The following VWA3B variants were observed in gnomAD, a reference collection of about 807,000 sequenced individuals.
The protein encoded by VWA3B is von Willebrand factor A domain-containing protein 3B.
VWA3B carries 138 observed loss-of-function variants against 158.3 expected under a neutral mutation model. That is an observed-to-expected ratio of 0.87 (90% CI 0.76 to 1.00). VWA3B has a LOEUF of 1.00. Among genes scored for constraint, VWA3B ranks in the 50% least tolerant of loss-of-function variants. VWA3B has a pLI of 0.00. For synonymous variants in VWA3B, 596 were observed against 587.3 expected, an observed-to-expected ratio of 1.01 and a Z score of -0.21; for missense variants, 1,555 against 1,565.1, an observed-to-expected ratio of 0.99 and a Z score of 0.11.
At chr2:98,272,311 A>G (rs1688250021) in intron 22 of VWA3B, among the ~76,000 whole-genome samples, 1 of 152,234 alleles carries the variant, frequency 6.6e-6, no homozygotes, top group African/African-American at 2.4e-5. Context: ...GCAGTTTATT[A>G]TAAAGGATAT....
intron 22 of VWA3B, among the ~76,000 whole-genome samples, chr2:98,274,629 CGAG>C (rs918868870): frequency 6.6e-6 from 1 of 152,068 alleles, no homozygotes; most frequent in African/African-American, 2.4e-5. Flanking sequence ...TACCAGAAAA[CGAG>C]GTATTTGAAC....
Position 98,128,262 on chromosome 2 carries a change from G to A in VWA3B, c.726G>A (p.Val242=). Residue 242 remains valine (V), a synonymous_variant, in exon 6 of 28, where the codon GTG becomes GTA. Transcript: ENST00000477737. ...DKTIESIYYF[V]VGDVPEESKE... is the part of the protein sequence containing the mutation. ...AGATTGAATCCATTTACTACTTTGTGGTGGGGGATGTTCCTGAAGAATCCA... is the reference window on the plus strand; with the variant it reads ...AGATTGAATCCATTTACTACTTTGTAGTGGGGGATGTTCCTGAAGAATCCA... The A allele has an allele frequency of 6.2e-7, 1 of 1,614,156 alleles. No individual in the cohort carries two copies.
chr2:98,207,082 C>T (rs1182380021), intron 12 of VWA3B: 1 of 514,780 alleles, frequency 1.9e-6, no homozygotes, highest in Admixed American at 2.3e-5. Flanking sequence ...TCACTTCACC[C>T]ATGCTGGCTC....
rs375450596 is a variant in VWA3B, at chr2:98,093,183, C to A, written c.91C>A (p.Gln31Lys). The change falls in exon 2 of 28, where the codon CAG (glutamine) becomes AAG (lysine). Residue 31 changes from glutamine to lysine, a missense_variant. Transcript: ENST00000477737. ...TAACACCAAAACAGACTTGGCTGAG[C>A]AGAGTCTCATTTCATCTGAGAAATG... ...WINTKTDLAE[Q>K]SLISSEKWLQ... is the part of the protein sequence containing the mutation. The A allele has an allele frequency of 1.4e-4, 230 of 1,614,120 alleles. 4 individuals carry two copies. The African/African-American group carries it at 2.4e-3, about 17-fold the overall frequency.
intron 2 of VWA3B, among the ~76,000 whole-genome samples, chr2:98,111,021 A>G (rs1364823587): frequency 6.6e-6 from 1 of 152,180 alleles, no homozygotes; most frequent in Non-Finnish European, 1.5e-5. Flanking sequence ...ATGGGACTGT[A>G]AGTCCATTAA....
intron 14 of VWA3B, 83 bp from the exon 15 acceptor site, chr2:98,228,119 G>C: frequency 6.9e-7 from 1 of 1,457,318 alleles, no homozygotes; most frequent in Non-Finnish European, 9.1e-7. Flanking sequence ...TGAACCTCTT[G>C]TCTCTAAAAA....
intron 21 of VWA3B, among the ~76,000 whole-genome samples, chr2:98,262,209 T>G (rs879732567): frequency 1.8e-4 from 27 of 151,958 alleles, no homozygotes; most frequent in Admixed American, 5.9e-4. Flanking sequence ...TGCATACACT[T>G]TCTCCCATTT....
chr2:98,243,960 G>A (rs1686234674), intron 19 of VWA3B, among the ~76,000 whole-genome samples: 3 of 152,218 alleles, frequency 2.0e-5, no homozygotes, highest in African/African-American at 7.2e-5. Flanking sequence ...GAAAAACAGT[G>A]AAGTTGGAGA....
At chr2:98,271,479 A>T (rs1274910857) in intron 22 of VWA3B, among the ~76,000 whole-genome samples, 1 of 152,184 alleles carries the variant, frequency 6.6e-6, no homozygotes, top group Non-Finnish European at 1.5e-5. Context: ...AATGTTTTCT[A>T]CATAGGTGCA....
At chr2:98,155,892 T>C (rs1008464919) in intron 7 of VWA3B, among the ~76,000 whole-genome samples, 2 of 152,124 alleles carry the variant, frequency 1.3e-5, no homozygotes, top group Admixed American at 1.3e-4. Context: ...CCCAACTTTT[T>C]TTTTCTCCAA....
chr2:98,133,175 T>C (rs573038929), intron 6 of VWA3B, among the ~76,000 whole-genome samples: 6 of 152,208 alleles, frequency 3.9e-5, no homozygotes, highest in Non-Finnish European at 7.3e-5. Flanking sequence ...CTGGGGACCC[T>C]GTTAAATGGA....
chr2:98,228,813 T>C (rs1685125168), intron 15 of VWA3B: 1 of 152,262 alleles, frequency 6.6e-6, no homozygotes, highest in Non-Finnish European at 1.5e-5. Flanking sequence ...TATATTCTTA[T>C]ATGTTTCTAA....
intron 8 of VWA3B, among the ~76,000 whole-genome samples, chr2:98,168,133 A>G (rs1679253688): frequency 6.6e-6 from 1 of 152,228 alleles, no homozygotes; most frequent in African/African-American, 2.4e-5. Flanking sequence ...AGAAACATCA[A>G]TCAATCAAAA....
chr2:98,158,438 A>C (rs1678280989), intron 7 of VWA3B, among the ~76,000 whole-genome samples: 1 of 152,118 alleles, frequency 6.6e-6, no homozygotes, highest in Non-Finnish European at 1.5e-5. Context: ...GCCTACTAAA[A>C]ATAAGCACTG....
intron 23 of VWA3B, chr2:98,292,155 A>C (rs967247976): frequency 6.6e-6 from 1 of 151,980 alleles, no homozygotes; most frequent in African/African-American, 2.4e-5. Context: ...AACCAGGAGA[A>C]TCACTAGAAC....
chr2:98,130,209 C>A (rs542920003), intron 6 of VWA3B, among the ~76,000 whole-genome samples: 33 of 152,162 alleles, frequency 2.2e-4, no homozygotes, highest in Admixed American at 5.2e-4. Context: ...CATCTCAATG[C>A]CTTAAAGAGC....
intron 9 of VWA3B, among the ~76,000 whole-genome samples, chr2:98,182,787 G>T (rs776130574): frequency 1.3e-5 from 2 of 152,194 alleles, no homozygotes; most frequent in Non-Finnish European, 2.9e-5. Flanking sequence ...AGGCATGGTG[G>T]CACGTGCCTG....
At chr2:98,295,631 A>C (rs1219697835) in intron 23 of VWA3B, among the ~76,000 whole-genome samples, 2 of 110,692 alleles carry the variant, frequency 1.8e-5, no homozygotes, top group African/African-American at 7.8e-5. Context: ...GAGGGGAGGC[A>C]GTGGAGGTTC....
intron 12 of VWA3B, among the ~76,000 whole-genome samples, chr2:98,202,415 T>A (rs1004550877): frequency 6.6e-6 from 1 of 152,026 alleles, no homozygotes; most frequent in Non-Finnish European, 1.5e-5. Flanking sequence ...GAGCTTTTTT[T>A]ATTTTTCTTT....
Sources: allele counts gnomAD v4.1 joint callset (sites outside exome capture counted in the v4.1 genomes callset), GRCh38; gene constraint gnomAD v4.1.1; transcripts MANE v1.5; gene names NCBI Gene and HGNC (gene_info 2026-07-23, HGNC 2026-07-21).